The following ACOXL variants were observed in gnomAD, a reference collection of about 807,000 sequenced individuals.
ACOXL encodes the protein acyl-CoA oxidase like.
In ACOXL, 70 loss-of-function variants were observed where a neutral mutation model predicts 71.9. The ratio of observed to expected loss-of-function variants is 0.97; its 90% CI spans 0.80 to 1.19. The LOEUF is 1.19. ACOXL is among the 50% of genes most tolerant of loss of function. The pLI, the probability that ACOXL is intolerant of heterozygous loss-of-function variation, is 0.00. For synonymous variants in ACOXL, 253 were observed against 281.6 expected (o/e 0.90, Z 1.02); for missense variants, 703 against 736.3 (o/e 0.95, Z 0.52).
intron 9 of ACOXL, among the ~76,000 whole-genome samples, chr2:110,808,241 G>A (rs1367688069): frequency 6.6e-6 from 1 of 152,130 alleles, no homozygotes; most frequent in African/African-American, 2.4e-5. Flanking sequence ...ATGAGGTCTG[G>A]CCCATTCTCT....
At chr2:111,043,776 G>A (rs1235187533) in intron 15 of ACOXL, among the ~76,000 whole-genome samples, 1 of 152,226 alleles carries the variant, frequency 6.6e-6, no homozygotes, top group Non-Finnish European at 1.5e-5. Context: ...AACTCCTCCA[G>A]AGGAGCTGTC....
intron 10 of ACOXL, among the ~76,000 whole-genome samples, chr2:110,879,128 C>T (rs1696306952): frequency 6.6e-6 from 1 of 151,316 alleles, no homozygotes; most frequent in Non-Finnish European, 1.5e-5. Flanking sequence ...GGAGGAACCA[C>T]TAAAAGAAAT....
At chr2:110,834,015 C>G (rs1690158632) in intron 9 of ACOXL, among the ~76,000 whole-genome samples, 1 of 152,124 alleles carries the variant, frequency 6.6e-6, no homozygotes. Context: ...TGGGCTTGCA[C>G]TTTCCTGTAT....
chr2:111,070,786 T>C (rs1360262186), intron 16 of ACOXL, among the ~76,000 whole-genome samples: 1 of 152,138 alleles, frequency 6.6e-6, no homozygotes, highest in African/African-American at 2.4e-5. Context: ...GATACAGCTA[T>C]GTTTCATCTT....
At position 110,757,903 on chromosome 2, in the gene ACOXL, C is replaced by T. The variant is rs143005560; in HGVS notation, c.-22-10465C>T. Among the ~76,000 whole-genome samples the T allele has an allele frequency of 1.5e-3, 229 of 152,134 alleles. 1 individual carries two copies. The highest frequency in any genetic ancestry group is 3.4e-3 in the Middle Eastern group (1 of 294). On this transcript the variant is annotated intron_variant, in intron 1 of 17. Transcript: ENST00000439055. ...AGGAGCTCTTTGGTCTAATTAGATC[C>T]GATTCGTCAATTTTTGCTTTTGTTG...
intron 17 of ACOXL, among the ~76,000 whole-genome samples, chr2:111,105,078 C>T (rs2069443429): frequency 6.6e-6 from 1 of 152,114 alleles, no homozygotes; most frequent in South Asian, 2.1e-4. Context: ...TGCTCCAATA[C>T]TAGTAGTTGA....
At chr2:110,824,387 T>G (rs978484588) in intron 9 of ACOXL, among the ~76,000 whole-genome samples, 2 of 152,216 alleles carry the variant, frequency 1.3e-5, no homozygotes, top group African/African-American at 4.8e-5. Context: ...ATCTAGAAAA[T>G]AACTTGGTGG....
intron 15 of ACOXL, among the ~76,000 whole-genome samples, chr2:111,035,848 T>G (rs1040512645): frequency 2.0e-4 from 30 of 152,228 alleles, no homozygotes; most frequent in African/African-American, 7.2e-4. Flanking sequence ...GGGATCAGCA[T>G]TTTCCTCTCA....
chr2:111,085,046 T>G (rs1051421854), intron 16 of ACOXL, among the ~76,000 whole-genome samples: 1 of 152,284 alleles, frequency 6.6e-6, no homozygotes, highest in South Asian at 2.1e-4. Flanking sequence ...TAAATGTATA[T>G]GTACACAACA....
chr2:111,084,262 C>T (rs1239444721), intron 16 of ACOXL, among the ~76,000 whole-genome samples: 3 of 16,088 alleles, frequency 1.9e-4, no homozygotes, highest in Admixed American at 5.3e-4. Flanking sequence ...AAGGAATACA[C>T]ACACACACAC....
At chr2:111,053,041 T>C (rs1170089468) in intron 16 of ACOXL, among the ~76,000 whole-genome samples, 1 of 152,204 alleles carries the variant, frequency 6.6e-6, no homozygotes, top group East Asian at 1.9e-4. Context: ...TGCCAGCAAC[T>C]GGAGTGTAAC....
intron 10 of ACOXL, among the ~76,000 whole-genome samples, chr2:110,894,137 T>A (rs1025958557): frequency 1.3e-5 from 2 of 151,902 alleles, no homozygotes; most frequent in African/African-American, 4.8e-5. Flanking sequence ...GAAAATGTAG[T>A]GGGTATACTT....
chr2:111,068,310 G>A (rs1266580692), intron 16 of ACOXL, among the ~76,000 whole-genome samples: 2 of 152,188 alleles, frequency 1.3e-5, no homozygotes, highest in African/African-American at 2.4e-5. Flanking sequence ...GCACGGGGGC[G>A]TGACCTGGGG....
At chr2:111,009,304 A>G (rs912568919) in intron 14 of ACOXL, among the ~76,000 whole-genome samples, 2 of 152,112 alleles carry the variant, frequency 1.3e-5, no homozygotes, top group African/African-American at 4.8e-5. Context: ...ACTTGAGGTC[A>G]AGAGTTCGAG....
chr2:110,802,908 C>T (rs1686173015), intron 8 of ACOXL, among the ~76,000 whole-genome samples: 1 of 152,168 alleles, frequency 6.6e-6, no homozygotes, highest in Non-Finnish European at 1.5e-5. Context: ...TTGATAAATG[C>T]TTCAGATGAT....
chr2:110,760,558 C>A (rs1269149071), intron 1 of ACOXL, among the ~76,000 whole-genome samples: 1 of 152,190 alleles, frequency 6.6e-6, no homozygotes, highest in Non-Finnish European at 1.5e-5. Flanking sequence ...TGAACTCATT[C>A]ATGTATTTCA....
chr2:110,941,908 G>A (rs950551645), intron 12 of ACOXL, among the ~76,000 whole-genome samples: 2 of 152,014 alleles, frequency 1.3e-5, no homozygotes, highest in Non-Finnish European at 2.9e-5. Flanking sequence ...GTAAGCATAC[G>A]GATAAATACA....
At chr2:110,776,070 A>G (rs1285302535) in intron 2 of ACOXL, among the ~76,000 whole-genome samples, 2 of 152,270 alleles carry the variant, frequency 1.3e-5, no homozygotes, top group African/African-American at 2.4e-5. Flanking sequence ...AATACATACA[A>G]TGGGATGTTA....
intron 12 of ACOXL, among the ~76,000 whole-genome samples, chr2:110,948,610 T>C (rs2061203620): frequency 6.7e-6 from 1 of 149,984 alleles, no homozygotes; most frequent in African/African-American, 2.5e-5. Flanking sequence ...TGGCTTCTGG[T>C]TTCTGTGGGC....
Sources: allele counts gnomAD v4.1 joint callset (sites outside exome capture counted in the v4.1 genomes callset), GRCh38; gene constraint gnomAD v4.1.1; transcripts MANE v1.5; gene names NCBI Gene and HGNC (gene_info 2026-07-23, HGNC 2026-07-21).